Variants in ZNF546 observed in about 807,000 individuals in gnomAD.
ZNF546 encodes the protein CTC-471F3.6.
ZNF546 carries 60 observed loss-of-function variants against 76.2 expected under a neutral mutation model. The ratio of observed to expected loss-of-function variants is 0.79; its 90% CI spans 0.64 to 0.98. The LOEUF is 0.98. ZNF546 is among the 50% of genes least tolerant of loss of function. The probability of loss-of-function intolerance (pLI) is 0.00; values close to 1 mark genes in which losing one functional copy is unlikely to be tolerated. For missense variants in ZNF546, 936 were observed against 1,035.6 expected (o/e 0.90, Z 1.32); for synonymous variants, 277 against 328.1 (o/e 0.84, Z 1.68).
intron 3 of ZNF546, among the ~76,000 whole-genome samples, chr19:40,001,478 C>T (rs1321517002): frequency 6.6e-6 from 1 of 151,858 alleles, no homozygotes; most frequent in Non-Finnish European, 1.5e-5. Context: ...TTCTTCTGCC[C>T]AGCCTCCAGA....
intron 6 of ZNF546, among the ~76,000 whole-genome samples, chr19:40,010,459 G>A (rs1399021610): frequency 2.6e-5 from 4 of 151,648 alleles, no homozygotes; most frequent in Non-Finnish European, 5.9e-5. Context: ...CCCAGCAGAA[G>A]TTTATGAAAA....
intron 1 of ZNF546, among the ~76,000 whole-genome samples, chr19:39,997,451 C>T (rs989338276): frequency 1.3e-5 from 2 of 152,170 alleles, no homozygotes; most frequent in African/African-American, 2.4e-5. Flanking sequence ...ACCCTCCTCA[C>T]GGCCTCGGTG....
At chr19:40,008,984 T>C (rs957430151) in intron 6 of ZNF546, among the ~76,000 whole-genome samples, 1 of 152,196 alleles carries the variant, frequency 6.6e-6, no homozygotes, top group Non-Finnish European at 1.5e-5. Flanking sequence ...GACACTCTTG[T>C]CACAGAGATG....
chr19:40,006,241 A>C, intron 4 of ZNF546, 59 bp downstream of exon 4: 2 of 1,482,898 alleles, frequency 1.3e-6, no homozygotes, highest in Middle Eastern at 1.7e-4. Context: ...TGATCATTGA[A>C]GTCTCGTTAT....
Position 40,015,024 on chromosome 19 carries a change from A to G in ZNF546, c.1754A>G (p.Glu585Gly). The part of the protein sequence containing the change: ...HTSESTYICK[E>G]CGKIFSRRYN... The stretch of plus-strand genomic sequence containing the variant: ...AGTGAGAGCACCTACATATGTAAAG[A>G]ATGTGGGAAGATTTTTAGTCGTCGC... The change falls in exon 7 of 7, where the codon GAA becomes GGA. Residue 585 changes from glutamate to glycine, a missense_variant. By Grantham distance (98) the Glu-to-Gly change is moderately conservative. Coordinates refer to ENST00000347077, the MANE Select transcript of ZNF546 (RefSeq NM_178544.5). 5 of 1,614,154 alleles carry G rather than the reference A, an allele frequency of 3.1e-6. No homozygotes were observed. Among genetic ancestry groups the G allele is most frequent in the Non-Finnish European group, 4.2e-6 (5 of 1,179,998 alleles).
Position 40,015,512 on chromosome 19 carries a change from C to T in ZNF546, c.2242C>T (p.Pro748Ser), listed in dbSNP as rs147930313. Residue 748 changes from proline (P) to serine (S), a missense_variant, in exon 7 of 7, where the codon CCT becomes TCT. Transcript: ENST00000347077. Reference sequence around the variant, plus strand: ...TTTTAGACTTCATACTGGTGAGAAACCTTATAGCTGTAAAGAATGTGGGAA... The same window carrying T: ...TTTTAGACTTCATACTGGTGAGAAATCTTATAGCTGTAAAGAATGTGGGAA... Reference protein sequence around the residue: ...QHFRLHTGEKPYSCKECGNAF... With the variant: ...QHFRLHTGEKSYSCKECGNAF... 6.2e-7 allele frequency: 1 copy of T among 1,614,070 alleles called. No homozygotes were observed. The highest frequency in any genetic ancestry group is 8.5e-7 in the Non-Finnish European group (1 of 1,180,020).
Position 40,020,976 on chromosome 19 carries a change from T to C in ZNF546, c.*5195T>C, listed in dbSNP as rs1364755308. 3.3e-5 allele frequency: 5 copies of C among 152,234 alleles called. No homozygotes were observed. The highest frequency in any genetic ancestry group is 2.0e-4 in the Admixed American group (3 of 15,290). 9.4% of individuals were successfully genotyped at this position (152,234 alleles called of 1,614,324 possible). ...TATAATGAATTTAAACTTTCATTGGTATTTATGTTTTAACAGGTTTTCACT... is the reference window on the plus strand; with the variant it reads ...TATAATGAATTTAAACTTTCATTGGCATTTATGTTTTAACAGGTTTTCACT... On this transcript the variant is annotated 3_prime_UTR_variant, in exon 7 of 7. Coordinates refer to ENST00000347077, the MANE Select transcript of ZNF546 (RefSeq NM_178544.5).
intron 6 of ZNF546, among the ~76,000 whole-genome samples, chr19:40,008,913 A>G (rs913071599): frequency 1.9e-4 from 29 of 152,308 alleles, no homozygotes; most frequent in African/African-American, 6.7e-4. Context: ...TTATTCATCA[A>G]ATATTTCCCA....
At chr19:40,000,615 C>CAAAAAA (rs550470156) in intron 3 of ZNF546, among the ~76,000 whole-genome samples, 80 of 54,474 alleles carry the variant, frequency 1.5e-3, no homozygotes, top group Admixed American at 2.4e-3. Context: ...GACTCTGTCT[C>CAAAAAA]AAAAAAAAAA....
At position 40,015,193 on chromosome 19, in the gene ZNF546, A is replaced by C; in HGVS notation, c.1923A>C (p.Glu641Asp). ...HTGEKPYKCT[E>D]CGKAFIRSTH... ...GTGAAAAACCCTATAAATGTACAGAATGTGGGAAGGCCTTTATTCGTAGCA... is the reference window on the plus strand; with the variant it reads ...GTGAAAAACCCTATAAATGTACAGACTGTGGGAAGGCCTTTATTCGTAGCA... The change falls in exon 7 of 7, where the codon GAA becomes GAC. Residue 641 changes from glutamate (E) to aspartate (D), a missense_variant. By Grantham distance (45) the Glu-to-Asp change is conservative. Coordinates refer to ENST00000347077, the MANE Select transcript of ZNF546 (RefSeq NM_178544.5). 6.2e-7 allele frequency: 1 copy of C among 1,614,086 alleles called. No individual in the cohort carries two copies. Among genetic ancestry groups the C allele is most frequent in the Non-Finnish European group, 8.5e-7 (1 of 1,180,014 alleles).
chr19:40,012,333 T>C lies in ZNF546; in HGVS notation c.395-1332T>C, dbSNP rs1971682588. Among the ~76,000 whole-genome samples, 4 of 152,334 alleles carry C rather than the reference T, an allele frequency of 2.6e-5. No homozygotes were observed. In the South Asian group the frequency reaches 8.3e-4, roughly 32 times the overall value. On this transcript the variant is annotated intron_variant, in intron 6 of 6. Transcript: ENST00000347077. Reference sequence around the variant, plus strand: ...TTTTGATTGAGCAATTTTGGATGTATCTTTGTTCCCTTTCAGAAGGGAAGT... The same window carrying C: ...TTTTGATTGAGCAATTTTGGATGTACCTTTGTTCCCTTTCAGAAGGGAAGT...
intron 3 of ZNF546, 47 bp from the exon 4 acceptor site, chr19:40,006,049 A>G (rs1185144998): frequency 2.7e-6 from 4 of 1,492,972 alleles, no homozygotes; most frequent in Non-Finnish European, 3.7e-6. Context: ...TCATTTTAGG[A>G]GTTTTGACAC....
chr19:40,001,911 CATT>C (rs146299952), intron 3 of ZNF546, among the ~76,000 whole-genome samples: 776 of 152,258 alleles, frequency 5.1e-3, no homozygotes, highest in Non-Finnish European at 8.8e-3. Flanking sequence ...AATTATGTAT[CATT>C]AAGTGGGATG....
Position 40,014,080 on chromosome 19 carries a change from G to A in ZNF546, c.810G>A (p.Glu270=). The A allele has an allele frequency of 6.2e-7, 1 of 1,613,572 alleles. No homozygotes were observed. The highest frequency in any genetic ancestry group is 8.5e-7 in the Non-Finnish European group (1 of 1,179,578). ...LRVHHTIHAG[E]RPYECKECGK... ...TACATCACACAATCCATGCTGGGGA[G>A]AGACCCTATGAATGTAAAGAATGTG... The change falls in exon 7 of 7, where the codon GAG becomes GAA. Residue 270 remains glutamate, a synonymous_variant. Transcript: ENST00000347077.
rs1369011625 is a variant in ZNF546, at chr19:40,015,043, T to A, written c.1773T>A (p.Ser591Arg). ...YICKECGKIF[S>R]RRYNLTQHFK... Reference sequence around the variant, plus strand: ...GTAAAGAATGTGGGAAGATTTTTAGTCGTCGCTATAATCTTACTCAACATT... The same window carrying A: ...GTAAAGAATGTGGGAAGATTTTTAGACGTCGCTATAATCTTACTCAACATT... Residue 591 changes from serine (S) to arginine (R), a missense_variant, in exon 7 of 7, where the codon AGT becomes AGA. Physicochemically the swap from Ser to Arg is moderately radical, Grantham distance 110. Transcript: ENST00000347077. 8 of 1,614,132 alleles carry A rather than the reference T, an allele frequency of 5.0e-6. No individual in the cohort carries two copies. Among genetic ancestry groups the A allele is most frequent in the Non-Finnish European group, 6.8e-6 (8 of 1,179,992 alleles).
chr19:39,997,181 G>C (rs559264564), intron 1 of ZNF546, 24 bp downstream of exon 1: 4 of 152,540 alleles, frequency 2.6e-5, no homozygotes, highest in African/African-American at 7.2e-5. Context: ...GGACTCTTAC[G>C]AGTAGGACTG....
intron 3 of ZNF546, among the ~76,000 whole-genome samples, chr19:40,003,065 T>A (rs768735457): frequency 2.9e-5 from 4 of 136,282 alleles, no homozygotes; most frequent in Non-Finnish European, 4.6e-5. Flanking sequence ...AGACAGAGTC[T>A]CGCTCTGTCG....
At position 40,014,208 on chromosome 19, in the gene ZNF546, T is replaced by G. The variant is rs747658137; in HGVS notation, c.938T>G (p.Val313Gly). The change falls in exon 7 of 7, where the codon GTT (valine) becomes GGT (glycine). Residue 313 changes from valine (V) to glycine (G), a missense_variant. Val to Gly is a moderately radical substitution (Grantham distance 109). Transcript: ENST00000347077. The stretch of plus-strand genomic sequence containing the variant: ...GAATGTGGGAAAGCCTTTAGTCGTG[T>G]TAGAGACCTTAGAGTACATCAGACA... ...CKECGKAFSR[V>G]RDLRVHQTIH... 1 of 1,612,902 alleles carries G rather than the reference T, an allele frequency of 6.2e-7. No individual in the cohort carries two copies. Among genetic ancestry groups the G allele is most frequent in the Non-Finnish European group, 8.5e-7 (1 of 1,179,474 alleles).
At chr19:40,009,175 A>G (rs1026479337) in intron 6 of ZNF546, among the ~76,000 whole-genome samples, 6 of 152,222 alleles carry the variant, frequency 3.9e-5, no homozygotes, top group African/African-American at 1.4e-4. Flanking sequence ...AACCAGAGAC[A>G]TAAAGTAAGG....
Sources: allele counts gnomAD v4.1 joint callset (sites outside exome capture counted in the v4.1 genomes callset), GRCh38; gene constraint gnomAD v4.1.1; transcripts MANE v1.5; gene names NCBI Gene and HGNC (gene_info 2026-07-23, HGNC 2026-07-21).